DPH6: variants seen among roughly 807,000 people sequenced by gnomAD.
DPH6 encodes the protein diphthamine biosynthesis 6, also known as diphthine--ammonia ligase.
In DPH6, 33 loss-of-function variants were observed where a neutral mutation model predicts 38.2. That is an observed-to-expected ratio of 0.86 (90% CI 0.65 to 1.15). The LOEUF (loss-of-function observed/expected upper bound fraction) is 1.15. Among genes scored for constraint, DPH6 ranks in the 50% most tolerant of loss-of-function variants. The pLI is 0.00. For synonymous variants in DPH6, 108 were observed against 103.0 expected (o/e 1.05, Z -0.30); for missense variants, 325 against 320.0 (o/e 1.02, Z -0.12).
chr15:35,303,809 A>G (rs1288127200), intron 3 of DPH6, among the ~76,000 whole-genome samples: 1 of 151,386 alleles, frequency 6.6e-6, no homozygotes, highest in Non-Finnish European at 1.5e-5. Context: ...TTAAAGAAGG[A>G]TACTAATTTT....
intron 3 of DPH6, among the ~76,000 whole-genome samples, chr15:35,309,603 GT>G (rs1208330839): frequency 6.6e-6 from 1 of 152,118 alleles, no homozygotes; most frequent in Non-Finnish European, 1.5e-5. Flanking sequence ...ATTTCATGCT[GT>G]TTTTCTCCTC....
At chr15:35,164,549 C>A in the DPH6 span, among the ~76,000 whole-genome samples, 4 of 150,616 alleles carry the variant, frequency 2.7e-5, no homozygotes, top group Non-Finnish European at 4.4e-5. Flanking sequence ...TTAATGTATT[C>A]ATTCTAAATT....
intron 4 of DPH6, among the ~76,000 whole-genome samples, chr15:35,453,883 A>G (rs1202745988): frequency 6.6e-6 from 1 of 152,108 alleles, no homozygotes; most frequent in Non-Finnish European, 1.5e-5. Context: ...AAGAATATAA[A>G]AATATTATAT....
At position 35,300,660 on chromosome 15, in the gene DPH6, C is replaced by T. The variant is rs114285043; in HGVS notation, n.200+72861G>A. ...ATTAAGTCAAGTTAATAAACTATTA[C>T]GTTGGGTATTATCTTTCACCCCATA... On this transcript the variant is annotated intron_variant and non_coding_transcript_variant, in intron 3 of 3. Coordinates refer to the DPH6 transcript ENST00000560386. Among the ~76,000 whole-genome samples the T allele has an allele frequency of 2.4e-3, 372 of 152,252 alleles. 1 individual carries two copies. The highest frequency in any genetic ancestry group is 8.1e-3 in the African/African-American group (338 of 41,540).
At chr15:35,285,836 G>C (rs1316199687) in intron 3 of DPH6, among the ~76,000 whole-genome samples, 1 of 103,776 alleles carries the variant, frequency 9.6e-6, no homozygotes, top group Non-Finnish European at 1.9e-5. Flanking sequence ...TTCCTGATGA[G>C]ATTCTGGACT....
chr15:35,490,946 T>A (rs1018206275), intron 3 of DPH6, among the ~76,000 whole-genome samples: 1 of 152,084 alleles, frequency 6.6e-6, no homozygotes, highest in African/African-American at 2.4e-5. Flanking sequence ...AGACACCATG[T>A]GGCAAGGAAA....
chr15:35,233,959 G>C (rs2051535390), intron 3 of DPH6, among the ~76,000 whole-genome samples: 1 of 151,968 alleles, frequency 6.6e-6, no homozygotes. Flanking sequence ...TTATTTTATA[G>C]TATTTATCAC....
At chr15:35,483,593 T>C (rs1422047141) in intron 3 of DPH6, among the ~76,000 whole-genome samples, 3 of 152,132 alleles carry the variant, frequency 2.0e-5, no homozygotes, top group Non-Finnish European at 2.9e-5. Flanking sequence ...CATTTATCCA[T>C]TGCAGGTGGA....
chr15:35,308,219 T>C (rs1360421381), intron 3 of DPH6, among the ~76,000 whole-genome samples: 1 of 152,140 alleles, frequency 6.6e-6, no homozygotes, highest in African/African-American at 2.4e-5. Flanking sequence ...CAGTCAGCTA[T>C]GATCCTGTCA....
intron 3 of DPH6, among the ~76,000 whole-genome samples, chr15:35,306,611 T>C (rs933524422): frequency 6.6e-6 from 1 of 152,256 alleles, no homozygotes. Context: ...TCTCAACCTG[T>C]TGATTTTGGC....
At chr15:35,400,888 G>A in intron 6 of DPH6, 2 of 945,982 alleles carry the variant, frequency 2.1e-6, no homozygotes, top group South Asian at 2.6e-5. Context: ...CACTGTGGAG[G>A]AGGTGGATGC....
the DPH6 span, among the ~76,000 whole-genome samples, chr15:35,164,626 T>C: frequency 3.3e-5 from 5 of 151,910 alleles, no homozygotes; most frequent in Non-Finnish European, 7.4e-5. Context: ...ATAGCGTTTC[T>C]GTGGGTGGAA....
chr15:35,286,741 C>A (rs534819544), intron 3 of DPH6, among the ~76,000 whole-genome samples: 85 of 152,192 alleles, frequency 5.6e-4, no homozygotes, highest in African/African-American at 2.0e-3. Flanking sequence ...TGGGAGGGGA[C>A]TGGTGAGATG....
At chr15:35,542,620 T>C in intron 1 of DPH6, 113 bp from the exon 2 acceptor site, 2 of 1,031,818 alleles carry the variant, frequency 1.9e-6, no homozygotes, top group Non-Finnish European at 2.8e-6. Context: ...CAGAATATAT[T>C]ACAATGCAAA....
the DPH6 span, among the ~76,000 whole-genome samples, chr15:35,185,926 G>A: frequency 6.6e-6 from 1 of 151,650 alleles, no homozygotes; most frequent in African/African-American, 2.4e-5. Flanking sequence ...AGTAGAGATG[G>A]GGCTTCACCG....
intron 3 of DPH6, among the ~76,000 whole-genome samples, chr15:35,281,114 A>G (rs1442176207): frequency 6.6e-6 from 1 of 151,004 alleles, no homozygotes; most frequent in Non-Finnish European, 1.5e-5. Flanking sequence ...CTCCCCCCAC[A>G]AATATGATAT....
At chr15:35,150,511 G>A in the DPH6 span, among the ~76,000 whole-genome samples, 1 of 152,142 alleles carries the variant, frequency 6.6e-6, no homozygotes, top group African/African-American at 2.4e-5. Context: ...ACAAATATAA[G>A]AAAACTATTT....
At chr15:35,380,630 A>C (rs2052852294) in intron 7 of DPH6, among the ~76,000 whole-genome samples, 1 of 152,162 alleles carries the variant, frequency 6.6e-6, no homozygotes, top group Non-Finnish European at 1.5e-5. Context: ...TAGCTTGCAA[A>C]TGTTTTTCTT....
intron 3 of DPH6, among the ~76,000 whole-genome samples, chr15:35,285,974 G>A (rs537254171): frequency 1.4e-5 from 2 of 146,482 alleles, no homozygotes; most frequent in East Asian, 2.0e-4. Context: ...AGCTATTAAA[G>A]CTGGGGCAAA....
Sources: gnomAD v4.1 joint callset for allele counts (sites outside exome capture counted in the v4.1 genomes callset) on GRCh38, gnomAD v4.1.1 for gene constraint, MANE v1.5 for transcripts, NCBI Gene and HGNC (gene_info 2026-07-23, HGNC 2026-07-21) for gene names.